CELF4: variants seen among roughly 807,000 people sequenced by gnomAD.
The protein encoded by CELF4 is CUGBP Elav-like family member 4, also known as CUG-BP- and ETR-3-like factor 4.
A neutral mutation model predicts 59.9 loss-of-function variants in CELF4; 18 were observed. The ratio of observed to expected loss-of-function variants is 0.30; its 90% CI spans 0.21 to 0.45. The LOEUF (loss-of-function observed/expected upper bound fraction) is 0.45. Ranked by LOEUF, CELF4 falls within the 20% of genes least tolerant of loss-of-function variation. The pLI is 1.00. For synonymous variants in CELF4, 261 were observed against 267.1 expected (o/e 0.98, Z 0.22); for missense variants, 456 against 689.0 (o/e 0.66, Z 3.79).
intron 2 of CELF4, among the ~76,000 whole-genome samples, chr18:37,415,055 T>C (rs1394950309): frequency 1.3e-5 from 2 of 152,200 alleles, no homozygotes; most frequent in Non-Finnish European, 2.9e-5. Context: ...GTAAGAGGTA[T>C]GTGTAAGAGT....
At position 37,266,534 on chromosome 18, in the gene CELF4, A is replaced by C; in HGVS notation, c.1164T>G (p.Gly388=). 1 of 1,592,718 alleles carries C rather than the reference A, an allele frequency of 6.3e-7. No homozygotes were observed. Among genetic ancestry groups the C allele is most frequent in the Non-Finnish European group, 8.5e-7 (1 of 1,171,210 alleles). ...CCGTGGGGACGCGTGGATACTAACG[A>C]CCTGCATACTGCTGCACTCCGGCGT... ...QAYAGVQQYA[G]PAAYPAAYGQ... The change falls in exon 9 of 13, where the codon GGT becomes GGG. Residue 388 remains glycine, a splice_region_variant and synonymous_variant. Transcript: ENST00000420428.
At chr18:37,501,157 A>G (rs1000798524) in intron 1 of CELF4, among the ~76,000 whole-genome samples, 1 of 152,218 alleles carries the variant, frequency 6.6e-6, no homozygotes, top group Non-Finnish European at 1.5e-5. Context: ...AAAGGCCCCC[A>G]CAGCATGGCA....
chr18:37,382,308 T>C (rs1413453043), intron 2 of CELF4, among the ~76,000 whole-genome samples: 1 of 152,214 alleles, frequency 6.6e-6, no homozygotes, highest in Non-Finnish European at 1.5e-5. Context: ...CTCTTGAGCA[T>C]GTTCTAACCA....
chr18:37,306,370 C>A (rs1261291460), intron 3 of CELF4: 1 of 152,470 alleles, frequency 6.6e-6, no homozygotes, highest in Admixed American at 6.5e-5. Flanking sequence ...CACTGCTCTG[C>A]TGATGTCTTC....
rs2060805393 is a variant in CELF4 at position 37,243,162 on chromosome 18, GTTTTC to G, written c.*2075_*2079del. 9.7e-6 allele frequency: 1 copy of G among 102,998 alleles called. No homozygotes were observed. The highest frequency in any genetic ancestry group is 2.8e-4 in the South Asian group (1 of 3,516). The allele number at this position is 102,998 out of a possible 1,614,324, so 6.4% of individuals were successfully genotyped here. The stretch of plus-strand genomic sequence containing the variant: ...AGAGCAGTTGTACTGAACTGCAGCT[GTTTTC>G]TTTTTTTTTTCTTTTTTTCTTTTTT... On this transcript the variant is annotated 3_prime_UTR_variant, in exon 13 of 13. Coordinates refer to ENST00000420428, the MANE Select transcript of CELF4 (RefSeq NM_020180.4).
chr18:37,259,570 C>T (rs1009006323), intron 10 of CELF4, among the ~76,000 whole-genome samples: 4 of 152,162 alleles, frequency 2.6e-5, no homozygotes, highest in Non-Finnish European at 5.9e-5. Context: ...GAGGCGGAGT[C>T]GACCTACTGC....
intron 2 of CELF4, among the ~76,000 whole-genome samples, chr18:37,448,585 C>A (rs549194837): frequency 2.0e-5 from 3 of 152,224 alleles, no homozygotes; most frequent in Non-Finnish European, 4.4e-5. Context: ...TTCCGTCTTG[C>A]GCAGGTGCTG....
rs555398342 is a variant in CELF4, at chr18:37,341,735, T to A, written c.370-19854A>T. ...GAGTTGGGCCAGTGACCACTTAGGTTCCTTTTGACTCTAGGAGTGTATGAT... is the reference window on the plus strand; with the variant it reads ...GAGTTGGGCCAGTGACCACTTAGGTACCTTTTGACTCTAGGAGTGTATGAT... On this transcript the variant is annotated intron_variant, in intron 2 of 12. Coordinates refer to ENST00000420428, the MANE Select transcript of CELF4 (RefSeq NM_020180.4). 5.7e-4 allele frequency among the ~76,000 whole-genome samples: 87 copies of A among 152,228 alleles called. 1 individual carries two copies. Among genetic ancestry groups the A allele is most frequent in the African/African-American group, 1.8e-3 (75 of 41,540 alleles).
chr18:37,327,682 G>T (rs1297180829), intron 2 of CELF4, among the ~76,000 whole-genome samples: 2 of 152,222 alleles, frequency 1.3e-5, no homozygotes, highest in East Asian at 1.9e-4. Context: ...GCAAGGGGGG[G>T]TCCACTCCTG....
At chr18:37,514,988 C>T (rs934062946) in intron 1 of CELF4, among the ~76,000 whole-genome samples, 3 of 152,150 alleles carry the variant, frequency 2.0e-5, no homozygotes, top group Non-Finnish European at 2.9e-5. Context: ...GCCCCATTTC[C>T]CTGTTCCATT....
At chr18:37,275,069 C>T in intron 4 of CELF4, 46 bp downstream of exon 4, 1 of 1,604,330 alleles carries the variant, frequency 6.2e-7, no homozygotes. Context: ...CTCCCTCCGC[C>T]TCGCCCCTCC....
At chr18:37,281,737 C>A (rs777489739) in intron 3 of CELF4, among the ~76,000 whole-genome samples, 2 of 152,198 alleles carry the variant, frequency 1.3e-5, no homozygotes, top group African/African-American at 2.4e-5. Flanking sequence ...GAGACCAGAG[C>A]ACCCCATGAA....
At chr18:37,502,101 C>T (rs1003996240) in intron 1 of CELF4, among the ~76,000 whole-genome samples, 1 of 152,166 alleles carries the variant, frequency 6.6e-6, no homozygotes, top group Non-Finnish European at 1.5e-5. Context: ...CTGCCCGCTT[C>T]GTCTGTGGGT....
chr18:37,357,229 G>A (rs537894797), intron 2 of CELF4, among the ~76,000 whole-genome samples: 4 of 152,306 alleles, frequency 2.6e-5, no homozygotes, highest in Admixed American at 2.6e-4. Flanking sequence ...AGAGGGAACA[G>A]CAAGCGAAAA....
chr18:37,383,667 A>G (rs766479792), intron 2 of CELF4, among the ~76,000 whole-genome samples: 23 of 152,092 alleles, frequency 1.5e-4, no homozygotes, highest in African/African-American at 4.6e-4. Flanking sequence ...GCACGTCCAC[A>G]TCTCGTTTGA....
intron 1 of CELF4, among the ~76,000 whole-genome samples, chr18:37,534,944 T>C (rs1040952661): frequency 1.3e-5 from 2 of 152,188 alleles, no homozygotes; most frequent in African/African-American, 4.8e-5. Flanking sequence ...ACCCTGATGC[T>C]GCCAGTAGAA....
intron 2 of CELF4, among the ~76,000 whole-genome samples, chr18:37,404,260 G>C (rs146379446): frequency 1.2e-3 from 176 of 152,320 alleles, no homozygotes; most frequent in African/African-American, 4.0e-3. Context: ...CTCATGCCCG[G>C]TTCTTGAACC....
rs529443128 is a variant in CELF4 at position 37,258,503 on chromosome 18, C to T, written c.1333+678G>A. ...AAACATAATTTTCATCTAAGCTCAG[C>T]GCTTAGGCTTCCTGAGGGCAGGGAC... On this transcript the variant is annotated intron_variant, in intron 11 of 12. Transcript: ENST00000420428. 3.3e-5 allele frequency among the ~76,000 whole-genome samples: 5 copies of T among 152,334 alleles called. No individual in the cohort carries two copies. The East Asian group carries it at 5.8e-4, about 18-fold the overall frequency.
At chr18:37,469,504 T>G (rs1405293899) in intron 2 of CELF4, among the ~76,000 whole-genome samples, 2 of 152,220 alleles carry the variant, frequency 1.3e-5, no homozygotes, top group African/African-American at 4.8e-5. Flanking sequence ...AGATTTCCTG[T>G]TGGCAGGATT....
Sources: allele counts gnomAD v4.1 joint callset (sites outside exome capture counted in the v4.1 genomes callset), GRCh38; gene constraint gnomAD v4.1.1; transcripts MANE v1.5; gene names NCBI Gene and HGNC (gene_info 2026-07-23, HGNC 2026-07-21).